Variants in KCNJ16 observed in about 807,000 individuals in gnomAD.
The protein encoded by KCNJ16 is inward rectifier potassium channel 16.
Under a neutral mutation model 18.5 loss-of-function variants are expected in KCNJ16, and 15 were observed. The observed-to-expected ratio is 0.81, with a 90% CI of 0.54 to 1.25. KCNJ16 has a LOEUF of 1.25. Ranked by LOEUF, KCNJ16 falls within the 50% of genes most tolerant of loss-of-function variation. KCNJ16 has a pLI of 0.00. For missense variants in KCNJ16, 523 were observed against 525.7 expected (o/e 0.99, Z 0.05); for synonymous variants, 174 against 186.5 (o/e 0.93, Z 0.55).
At chr17:70,092,515 TAGATAGATACATAGAC>T (rs1270363295) in intron 1 of KCNJ16, among the ~76,000 whole-genome samples, 2 of 39,416 alleles carry the variant, frequency 5.1e-5, no homozygotes, top group Non-Finnish European at 1.1e-4. Context: ...GATAGATAGA[TAGATAGATACATAGAC>T]AGATAGATAT....
intron 1 of KCNJ16, among the ~76,000 whole-genome samples, chr17:70,076,890 T>C (rs1407753468): frequency 6.6e-6 from 1 of 152,208 alleles, no homozygotes; most frequent in Non-Finnish European, 1.5e-5. Flanking sequence ...CTACCACTTG[T>C]CCTCATACAA....
chr17:70,084,861 G>A (rs1225779111), intron 1 of KCNJ16, among the ~76,000 whole-genome samples: 2 of 152,078 alleles, frequency 1.3e-5, no homozygotes, highest in Non-Finnish European at 1.5e-5. Flanking sequence ...ACCCTCAAAT[G>A]TTTATACCAA....
At chr17:70,110,480 G>GCATACACACACACACACA (rs1337834954) in intron 2 of KCNJ16, among the ~76,000 whole-genome samples, 1 of 151,002 alleles carries the variant, frequency 6.6e-6, no homozygotes, top group Non-Finnish European at 1.5e-5. Flanking sequence ...CACTTCGTGC[G>GCATACACACACACACACA]CGCACACACA....
chr17:70,080,113 CAGTCCA>C (rs2071489574), intron 1 of KCNJ16, among the ~76,000 whole-genome samples: 1 of 152,158 alleles, frequency 6.6e-6, no homozygotes. Context: ...CTGACAGTGA[CAGTCCA>C]ACCTTCTAAT....
intron 2 of KCNJ16, among the ~76,000 whole-genome samples, chr17:70,106,472 T>TGA (rs959595014): frequency 6.6e-6 from 1 of 152,110 alleles, no homozygotes; most frequent in Admixed American, 6.6e-5. Flanking sequence ...GGAGAGAAAC[T>TGA]GATAGAGAGA....
At chr17:70,083,383 A>T (rs2071642277) in intron 1 of KCNJ16, among the ~76,000 whole-genome samples, 6 of 151,774 alleles carry the variant, frequency 4.0e-5, no homozygotes, top group Admixed American at 3.9e-4. Flanking sequence ...ACATATACAC[A>T]TATGGATGTG....
intron 1 of KCNJ16, among the ~76,000 whole-genome samples, chr17:70,086,860 T>G (rs892494134): frequency 6.6e-6 from 1 of 152,156 alleles, no homozygotes; most frequent in Non-Finnish European, 1.5e-5. Context: ...TGGTAGTACT[T>G]TGGAAGTTAA....
chr17:70,123,057 A>T (rs1020950922), intron 2 of KCNJ16, among the ~76,000 whole-genome samples: 2 of 152,196 alleles, frequency 1.3e-5, no homozygotes, highest in African/African-American at 2.4e-5. Context: ...AGCCGGCATG[A>T]TCTTGTTCAA....
intron 2 of KCNJ16, among the ~76,000 whole-genome samples, chr17:70,124,713 A>G (rs1029394979): frequency 2.0e-5 from 3 of 152,232 alleles, no homozygotes; most frequent in African/African-American, 7.2e-5. Context: ...CCGTCTTAGT[A>G]AAACATGTAC....
chr17:70,076,191 A>G (rs984692087), intron 1 of KCNJ16, among the ~76,000 whole-genome samples: 1 of 152,184 alleles, frequency 6.6e-6, no homozygotes, highest in Admixed American at 6.6e-5. Context: ...GGTCTTTAGA[A>G]AAAGAGTATT....
chr17:70,130,875 A>G lies in KCNJ16; in HGVS notation c.-190-4A>G. 1.7e-6 allele frequency: 2 copies of G among 1,179,626 alleles called. No homozygotes were observed. Among genetic ancestry groups the G allele is most frequent in the Non-Finnish European group, 1.2e-6 (1 of 822,372 alleles). 73.1% of individuals were successfully genotyped at this position (1,179,626 alleles called of 1,614,324 possible). On this transcript the variant is annotated splice_region_variant and splice_polypyrimidine_tract_variant and intron_variant, in intron 2 of 3. Transcript: ENST00000392671. ...ATACTTTTATTTTTGTTTGTTTTGC[A>G]CAGGAGTAACTCAAGATGATTTTGA... is the stretch of plus-strand genomic sequence containing the variant.
intron 1 of KCNJ16, among the ~76,000 whole-genome samples, chr17:70,078,700 G>T (rs2071420088): frequency 6.6e-6 from 1 of 152,138 alleles, no homozygotes; most frequent in Non-Finnish European, 1.5e-5. Flanking sequence ...AGATAACAAA[G>T]ATCTGGTCCC....
intron 1 of KCNJ16, among the ~76,000 whole-genome samples, chr17:70,076,405 C>T (rs1240096872): frequency 5.3e-5 from 8 of 150,492 alleles, no homozygotes; most frequent in African/African-American, 2.0e-4. Context: ...TCCTGAAATT[C>T]AGCCAAAAAG....
intron 2 of KCNJ16, among the ~76,000 whole-genome samples, chr17:70,115,494 T>A (rs1398686795): frequency 6.6e-6 from 1 of 152,154 alleles, no homozygotes; most frequent in African/African-American, 2.4e-5. Flanking sequence ...AATAGCACAA[T>A]TTTTAACATT....
At chr17:70,085,850 C>T (rs1302185954) in intron 1 of KCNJ16, among the ~76,000 whole-genome samples, 1 of 152,018 alleles carries the variant, frequency 6.6e-6, no homozygotes, top group Non-Finnish European at 1.5e-5. Context: ...TTTGTTATTT[C>T]CCTCAAAATC....
At chr17:70,095,859 ATTAC>A (rs1428338500) in intron 1 of KCNJ16, among the ~76,000 whole-genome samples, 1 of 122,216 alleles carries the variant, frequency 8.2e-6, no homozygotes, top group African/African-American at 3.0e-5. Context: ...GGCATTTTAT[ATTAC>A]TTAATCCTTT....
intron 1 of KCNJ16, among the ~76,000 whole-genome samples, chr17:70,084,942 A>G (rs889856229): frequency 6.6e-5 from 10 of 152,006 alleles, no homozygotes; most frequent in Admixed American, 1.3e-4. Flanking sequence ...TCTTTCTTAG[A>G]TTGTGTTTGG....
chr17:70,077,015 T>C (rs767113171), intron 1 of KCNJ16, among the ~76,000 whole-genome samples: 16 of 152,176 alleles, frequency 1.1e-4, no homozygotes, highest in Non-Finnish European at 1.9e-4. Flanking sequence ...GGGTGATATT[T>C]AGCCAAAGAC....
rs191446261 is a variant in KCNJ16 at position 70,134,486 on chromosome 17, G to C, written c.*1142G>C. 6 of 167,058 alleles carry C rather than the reference G, an allele frequency of 3.6e-5. No individual in the cohort carries two copies. The East Asian group carries it at 1.2e-3, about 32-fold the overall frequency. The allele number at this position is 167,058 out of a possible 1,614,324, so 10.3% of individuals were successfully genotyped here. On this transcript the variant is annotated 3_prime_UTR_variant, in exon 4 of 4. Coordinates refer to ENST00000392671, the MANE Select transcript of KCNJ16 (RefSeq NM_170741.4). ...AGATAGAATTCAATTAAAGCGATTT[G>C]AATGCACAGTAAGTGGATAATCTGA...
Sources: allele counts gnomAD v4.1 joint callset (sites outside exome capture counted in the v4.1 genomes callset), GRCh38; gene constraint gnomAD v4.1.1; transcripts MANE v1.5; gene names NCBI Gene and HGNC (gene_info 2026-07-23, HGNC 2026-07-21).